The following RTEL1 variants were observed in gnomAD, a reference collection of about 807,000 sequenced individuals.
The protein encoded by RTEL1 is regulator of telomere elongation helicase 1, also known as regulator of telomere length.
A neutral mutation model predicts 162.2 loss-of-function variants in RTEL1; 86 were observed. The observed-to-expected ratio is 0.53, with a 90% confidence interval of 0.45 to 0.63. The LOEUF (loss-of-function observed/expected upper bound fraction) is 0.63. RTEL1 is among the 30% of genes least tolerant of loss of function. RTEL1 has a pLI of 0.00. For missense variants in RTEL1, 1,941 were observed against 1,750.2 expected (o/e 1.11, Z -1.95); for synonymous variants, 958 against 717.9 (o/e 1.33, Z -5.35).
intron 7 of RTEL1, among the ~76,000 whole-genome samples, chr20:63,666,939 A>C (rs991358199): frequency 4.1e-5 from 6 of 145,802 alleles, no homozygotes; most frequent in Admixed American, 2.1e-4. Flanking sequence ...TCCCGAGTTC[A>C]CGCCATTCTC....
At chr20:63,692,712 AG>A (rs2090780527) in intron 28 of RTEL1, 92 bp from the exon 29 acceptor site, 9 of 1,250,588 alleles carry the variant, frequency 7.2e-6, no homozygotes, top group Non-Finnish European at 9.0e-6. Context: ...TCACTGTCCC[AG>A]GGAACGCTCA....
intron 7 of RTEL1, 50 bp from the exon 8 acceptor site, chr20:63,667,419 C>T: frequency 6.8e-7 from 1 of 1,463,066 alleles, no homozygotes; most frequent in Non-Finnish European, 9.6e-7. Context: ...CCTCGGGGCA[C>T]CGTCCCCTGC....
At chr20:63,675,086 T>G (rs573560755) in intron 10 of RTEL1, among the ~76,000 whole-genome samples, 71 of 152,326 alleles carry the variant, frequency 4.7e-4, no homozygotes, top group African/African-American at 1.6e-3. Context: ...TTTGTATTTT[T>G]AGTAGAGATG....
chr20:63,689,662 GGGTGGGGCTGGGGTAA>G lies in RTEL1; in HGVS notation c.2025+17_2025+32del, dbSNP rs1205758340. ...GCTGGGGGCCAGGTGAGTTACAGCA[GGGTGGGGCTGGGGTAA>G]GGCGGTCTGGTGACTGAGCCCCCGC... On this transcript the variant is annotated intron_variant, in intron 23 of 34. Coordinates refer to ENST00000360203, the MANE Select transcript of RTEL1 (RefSeq NM_001283009.2). The G allele has an allele frequency of 6.2e-7, 1 of 1,609,884 alleles. No individual in the cohort carries two copies. The highest frequency in any genetic ancestry group is 8.5e-7 in the Non-Finnish European group (1 of 1,178,232).
chr20:63,694,735 C>A lies in RTEL1; in HGVS notation c.3110-6C>A. 6.3e-7 allele frequency: 1 copy of A among 1,595,480 alleles called. No individual in the cohort carries two copies. Reference sequence around the variant, plus strand: ...GCCACTCTGAGCCATGCTACTCCCACACCAGGAGACCCTGGCAGCCAACCA... The same window carrying A: ...GCCACTCTGAGCCATGCTACTCCCAAACCAGGAGACCCTGGCAGCCAACCA... On this transcript the variant is annotated splice_region_variant and splice_polypyrimidine_tract_variant and intron_variant, in intron 31 of 34. Coordinates refer to ENST00000360203, the MANE Select transcript of RTEL1 (RefSeq NM_001283009.2).
chr20:63,692,946 G>A lies in RTEL1; in HGVS notation c.2794G>A (p.Ala932Thr). ...YKGSDDFAAL[A>T]ACLGPLFAED... The stretch of plus-strand genomic sequence containing the variant: ...GGGTTCCGATGACTTCGCCGCCCTG[G>A]CCGCCTGTCTCGGCCCCCTCTTTGC... The change falls in exon 29 of 35, where the codon GCC (alanine) becomes ACC (threonine). Residue 932 changes from alanine to threonine, a missense_variant. By Grantham distance (58) the Ala-to-Thr change is moderately conservative (BLOSUM62 0). Coordinates refer to ENST00000360203, the MANE Select transcript of RTEL1 (RefSeq NM_001283009.2). 2 of 1,612,650 alleles carry A rather than the reference G, an allele frequency of 1.2e-6. No homozygotes were observed. Among genetic ancestry groups the A allele is most frequent in the South Asian group, 1.1e-5 (1 of 91,090 alleles).
intron 10 of RTEL1, among the ~76,000 whole-genome samples, chr20:63,676,587 C>T (rs2090354020): frequency 6.6e-6 from 1 of 152,164 alleles, no homozygotes; most frequent in Non-Finnish European, 1.5e-5. Context: ...TAGGACCACG[C>T]CCTGCACCAT....
chr20:63,692,596 C>T (rs1226068342), intron 28 of RTEL1: 2 of 597,634 alleles, frequency 3.3e-6, no homozygotes, highest in East Asian at 2.8e-5. Flanking sequence ...GCCAGCCTCT[C>T]ACTGTGTGAC....
intron 27 of RTEL1, among the ~76,000 whole-genome samples, chr20:63,691,364 C>G (rs1226476276): frequency 6.6e-6 from 1 of 152,116 alleles, no homozygotes; most frequent in African/African-American, 2.4e-5. Flanking sequence ...TCAGGCCAAC[C>G]CGAAATTTTC....
chr20:63,657,957 C>T, upstream of RTEL1: 1 of 152,566 alleles, frequency 6.6e-6, no homozygotes, highest in Non-Finnish European at 1.5e-5. Context: ...GGGTCCTGGG[C>T]AAGGCGCAGC....
At chr20:63,658,840 G>T (rs2872811) in intron 1 of RTEL1, 69,438 of 155,740 alleles carry the variant, frequency 0.45, 16,137 homozygotes, top group Middle Eastern at 0.5. Context: ...CACCCGGGCG[G>T]ATGGGGAATG....
At chr20:63,666,179 C>G (rs1784331884) in intron 7 of RTEL1, 100 bp downstream of exon 7, 20 of 963,338 alleles carry the variant, frequency 2.1e-5, no homozygotes, top group Non-Finnish European at 3.0e-5. Flanking sequence ...TTCTTTGTTC[C>G]TTTTTAAATT....
Position 63,693,531 on chromosome 20 carries a change from ACCACCACCACCACCACCACCACCT to A in RTEL1, c.2992+254_2992+277del, listed in dbSNP as rs1568720650. ...CACCTCCTCCACCACCACCACCTCCACCACCACCACCACCACCACCACCTCCACCTCCACCACCTCCACCTCCAC... is the reference window on the plus strand; with the variant it reads ...CACCTCCTCCACCACCACCACCTCCACCACCTCCACCACCTCCACCTCCAC... On this transcript the variant is annotated intron_variant, in intron 30 of 34. Transcript: ENST00000360203. Among the ~76,000 whole-genome samples the A allele has an allele frequency of 4.3e-3, 54 of 12,480 alleles. 1 individual carries two copies. The highest frequency in any genetic ancestry group is 0.05 in the Middle Eastern group (1 of 20). The allele number at this position is 12,480 out of a possible 152,430, so 8.2% of individuals were successfully genotyped here.
At chr20:63,667,646 C>A in intron 8 of RTEL1, 93 bp downstream of exon 8, 1 of 1,030,814 alleles carries the variant, frequency 9.7e-7, no homozygotes, top group Non-Finnish European at 1.5e-6. Flanking sequence ...GCTTCAGGGC[C>A]TTAGATCAGC....
chr20:63,692,385 C>A, intron 28 of RTEL1: 1 of 239,234 alleles, frequency 4.2e-6, no homozygotes, highest in Non-Finnish European at 8.2e-6. Context: ...TTCCACGTTT[C>A]CGTGTTGGTC....
At chr20:63,673,199 C>G (rs1023659703) in intron 9 of RTEL1, among the ~76,000 whole-genome samples, 1 of 152,006 alleles carries the variant, frequency 6.6e-6, no homozygotes, top group African/African-American at 2.4e-5. Context: ...CAAGACCATC[C>G]TGGCCAACAT....
In RTEL1 at chr20:63,680,705, G is replaced by T. The variant is rs1171259416; in HGVS notation, c.1177G>T (p.Ala393Ser). 1.2e-6 allele frequency: 2 copies of T among 1,613,324 alleles called. No homozygotes were observed. The highest frequency in any genetic ancestry group is 1.3e-5 in the African/African-American group (1 of 74,944). Residue 393 changes from alanine to serine, a missense_variant, in exon 14 of 35, where the codon GCG becomes TCG. Ala to Ser is a moderately conservative substitution (Grantham distance 99). Transcript: ENST00000360203. ...CAACACGGCCGGACTGCAGAAGCTG[G>T]CGGACATTATCCAGGTGGGGCCTGC... ...FTNTAGLQKLADIIQIVFSVD... is the reference protein window; with the variant it reads ...FTNTAGLQKLSDIIQIVFSVD...
At position 63,688,965 on chromosome 20, in the gene RTEL1, A is replaced by G. The variant is rs1189614911; in HGVS notation, c.1801-90A>G. The G allele has an allele frequency of 6.0e-6, 7 of 1,164,170 alleles. No homozygotes were observed. In the East Asian group the frequency reaches 7.0e-5, roughly 12 times the overall value. The allele number at this position is 1,164,170 out of a possible 1,614,324, so 72.1% of individuals were successfully genotyped here. On this transcript the variant is annotated intron_variant, in intron 21 of 34. Transcript: ENST00000360203. ...GCCTTCCTGGCTAGGACGATCCTTCATCTTGGAGCATGAGACCTGGGTCTC... is the reference window on the plus strand; with the variant it reads ...GCCTTCCTGGCTAGGACGATCCTTCGTCTTGGAGCATGAGACCTGGGTCTC...
chr20:63,662,001 G>A, intron 4 of RTEL1, 58 bp downstream of exon 4: 2 of 1,307,866 alleles, frequency 1.5e-6, no homozygotes, highest in South Asian at 1.2e-5. Flanking sequence ...GCTTGGCATG[G>A]TGCTGAGTCC....
Sources: allele counts gnomAD v4.1 joint callset (sites outside exome capture counted in the v4.1 genomes callset), GRCh38; gene constraint gnomAD v4.1.1; transcripts MANE v1.5; gene names NCBI Gene and HGNC (gene_info 2026-07-23, HGNC 2026-07-21).